The following GLYR1 variants were observed in gnomAD, a reference collection of about 807,000 sequenced individuals.
GLYR1 encodes the protein cytokine-like nuclear factor N-PAC.
GLYR1 carries 21 observed loss-of-function variants against 72.7 expected under a neutral mutation model. The observed-to-expected ratio is 0.29, with a 90% CI of 0.20 to 0.42. The LOEUF is 0.42. Ranked by LOEUF, GLYR1 falls within the 10% of genes least tolerant of loss-of-function variation. GLYR1 has a pLI of 1.00. For synonymous variants in GLYR1, 392 were observed against 270.2 expected, an observed-to-expected ratio of 1.45 and a Z score of -4.42; for missense variants, 594 against 712.1, an observed-to-expected ratio of 0.83 and a Z score of 1.89.
At chr16:4,824,883 ACTC>A (rs2084280411) in intron 5 of GLYR1, among the ~76,000 whole-genome samples, 1 of 150,736 alleles carries the variant, frequency 6.6e-6, no homozygotes, top group South Asian at 2.1e-4. Flanking sequence ...TGCCTAAACT[ACTC>A]CTGAGGTTTT....
chr16:4,834,568 A>G (rs1440452055), intron 3 of GLYR1, among the ~76,000 whole-genome samples: 2 of 151,956 alleles, frequency 1.3e-5, no homozygotes, highest in Non-Finnish European at 2.9e-5. Context: ...TCCCAGGTTC[A>G]AGCAATTCTG....
At chr16:4,825,656 CTT>C (rs34529919) in intron 5 of GLYR1, among the ~76,000 whole-genome samples, 46 of 147,098 alleles carry the variant, frequency 3.1e-4, no homozygotes, top group Non-Finnish European at 3.5e-4. Context: ...TTATCATCTT[CTT>C]TTTTTTTTTT....
intron 3 of GLYR1, among the ~76,000 whole-genome samples, chr16:4,836,589 G>A (rs962337744): frequency 6.6e-6 from 1 of 152,142 alleles, no homozygotes; most frequent in Non-Finnish European, 1.5e-5. Flanking sequence ...CGGATGTCTC[G>A]TAAGATATCT....
chr16:4,843,618 C>T (rs1291496943), intron 3 of GLYR1: 2 of 1,288,958 alleles, frequency 1.6e-6, no homozygotes, highest in African/African-American at 3.0e-5. Flanking sequence ...AACATGAAAC[C>T]AGGAAGAGCA....
In GLYR1 at chr16:4,805,133, G is replaced by A; in HGVS notation, c.*103C>T. 3.3e-6 allele frequency: 3 copies of A among 901,516 alleles called. No homozygotes were observed. Among genetic ancestry groups the A allele is most frequent in the Non-Finnish European group, 5.5e-6 (3 of 547,460 alleles). The allele number at this position is 901,516 out of a possible 1,614,324, so 55.8% of individuals were successfully genotyped here. A position where few individuals can be genotyped will look rare whatever the true frequency, so the allele number is the denominator to read the frequency against. On this transcript the variant is annotated 3_prime_UTR_variant, in exon 16 of 16. Transcript: ENST00000321919. ...CAAAGTCTGTATAAAAGGAAATGGA[G>A]ATAGGTGGGCTGGTCCAGAATGAAC...
chr16:4,838,312 T>C (rs1192850188), intron 3 of GLYR1, among the ~76,000 whole-genome samples: 1 of 152,184 alleles, frequency 6.6e-6, no homozygotes, highest in Non-Finnish European at 1.5e-5. Flanking sequence ...CGGTCCACCT[T>C]AGATGTGGCT....
At chr16:4,808,491 T>A (rs759509782) in intron 15 of GLYR1, among the ~76,000 whole-genome samples, 2 of 148,800 alleles carry the variant, frequency 1.3e-5, no homozygotes, top group Non-Finnish European at 3.0e-5. Context: ...CCAGCTACTG[T>A]GGAGGCTGAG....
At chr16:4,805,704 G>A (rs1219920582) in intron 15 of GLYR1, among the ~76,000 whole-genome samples, 6 of 152,114 alleles carry the variant, frequency 3.9e-5, no homozygotes, top group Middle Eastern at 6.3e-3. Context: ...AGGGCCAGGC[G>A]CAGTGGCTCA....
rs536584072 is a variant in GLYR1, at chr16:4,813,035, T to G, written c.1119+702A>C. 1.2e-4 allele frequency among the ~76,000 whole-genome samples: 18 copies of G among 151,266 alleles called. No homozygotes were observed. In the Admixed American group the frequency reaches 1.2e-3, roughly 10 times the overall value. The stretch of plus-strand genomic sequence containing the variant: ...TGGAGTGCAGTGGCACGATCACAGC[T>G]CACTGCAAGCTCCGCCTCCTGGGTT... On this transcript the variant is annotated intron_variant, in intron 12 of 15. Transcript: ENST00000321919.
rs574232616 is a variant in GLYR1, at chr16:4,836,160, C to T, written c.156-3248G>A. ...TGGCGCCTCAACAATGCACCACTGT[C>T]TAATTCACGGAGGCACATCAGCCGG... On this transcript the variant is annotated intron_variant, in intron 3 of 15. Transcript: ENST00000321919. 2.0e-5 allele frequency among the ~76,000 whole-genome samples: 3 copies of T among 152,266 alleles called. No homozygotes were observed. The East Asian group carries it at 5.8e-4, about 29-fold the overall frequency.
chr16:4,835,181 C>T (rs993076662), intron 3 of GLYR1, among the ~76,000 whole-genome samples: 8 of 152,138 alleles, frequency 5.3e-5, no homozygotes, highest in Admixed American at 2.0e-4. Flanking sequence ...ATCCCACCCA[C>T]GCCATCCTGC....
At chr16:4,819,729 A>C (rs2083894205) in intron 9 of GLYR1, among the ~76,000 whole-genome samples, 1 of 152,144 alleles carries the variant, frequency 6.6e-6, no homozygotes, top group Non-Finnish European at 1.5e-5. Flanking sequence ...ATGGACCCCT[A>C]ATCTCAGCTG....
At chr16:4,813,698 G>C (rs969738752) in intron 12 of GLYR1, 39 bp downstream of exon 12, 4 of 1,522,610 alleles carry the variant, frequency 2.6e-6, no homozygotes, top group Middle Eastern at 1.7e-4. Context: ...GGCTCTGATA[G>C]AAAAGATGCT....
intron 13 of GLYR1, 49 bp downstream of exon 13, chr16:4,812,037 G>C: frequency 3.8e-6 from 6 of 1,585,644 alleles, no homozygotes; most frequent in Non-Finnish European, 5.1e-6. Flanking sequence ...GTGTGAAACA[G>C]AGGAGATGTG....
intron 2 of GLYR1, 118 bp from the exon 3 acceptor site, chr16:4,845,271 C>T (rs1165951224): frequency 3.0e-6 from 2 of 677,926 alleles, no homozygotes; most frequent in Non-Finnish European, 2.6e-6. Context: ...AAAGGACTTA[C>T]TTACAAATAA....
intron 11 of GLYR1, 30 bp downstream of exon 11, chr16:4,814,507 A>C (rs1489257289): frequency 2.0e-6 from 3 of 1,530,670 alleles, no homozygotes; most frequent in Non-Finnish European, 2.7e-6. Flanking sequence ...TGTGACCCGG[A>C]GTTGCTGAGG....
At chr16:4,821,236 TA>T in intron 9 of GLYR1, 143 bp downstream of exon 9, 1 of 779,602 alleles carries the variant, frequency 1.3e-6, no homozygotes, top group South Asian at 1.6e-5. Flanking sequence ...TCTTTATCGA[TA>T]AGAGTTACAA....
rs2084129095 is a variant in GLYR1, at chr16:4,822,882, G to A, written c.674C>T (p.Thr225Ile). The A allele has an allele frequency of 1.9e-6, 3 of 1,614,022 alleles. No individual in the cohort carries two copies. The highest frequency in any genetic ancestry group is 2.5e-6 in the Non-Finnish European group (3 of 1,179,900). ...PHFHHFLLSQ[T>I]EKPAVCYQAI... ...GCCTCAAAGGCAACTCACCTTCTCT[G>A]TTTGGCTTAGCAGGAAATGATGGAA... The change falls in exon 7 of 16, where the codon ACA becomes ATA. Residue 225 changes from threonine to isoleucine, a missense_variant. Thr to Ile is a moderately conservative substitution (Grantham distance 89). Coordinates refer to ENST00000321919, the MANE Select transcript of GLYR1 (RefSeq NM_032569.4).
At chr16:4,832,458 G>A (rs1433221483) in intron 4 of GLYR1, 3 of 598,296 alleles carry the variant, frequency 5.0e-6, no homozygotes, top group Non-Finnish European at 8.7e-6. Flanking sequence ...AATCTAGGCA[G>A]TATATGTATT....
Sources: gnomAD v4.1 joint callset for allele counts (sites outside exome capture counted in the v4.1 genomes callset) on GRCh38, gnomAD v4.1.1 for gene constraint, MANE v1.5 for transcripts, NCBI Gene and HGNC (gene_info 2026-07-23, HGNC 2026-07-21) for gene names.